GLIS3: variants seen among roughly 807,000 people sequenced by gnomAD.
GLIS3 encodes the protein zinc finger protein GLIS3.
GLIS3 carries 53 observed loss-of-function variants against 78.6 expected under a neutral mutation model. The observed-to-expected ratio is 0.67, with a 90% CI of 0.54 to 0.85. The LOEUF is 0.85. Ranked by LOEUF, GLIS3 falls within the 40% of genes least tolerant of loss-of-function variation. GLIS3 has a pLI of 0.00. For synonymous variants in GLIS3, 684 were observed against 509.9 expected (o/e 1.34, Z -4.60); for missense variants, 1,703 against 1,231.1 (o/e 1.38, Z -5.74).
At chr9:4,279,155 C>T (rs1264082501) in intron 2 of GLIS3, among the ~76,000 whole-genome samples, 1 of 151,380 alleles carries the variant, frequency 6.6e-6, no homozygotes, top group African/African-American at 2.4e-5. Context: ...CAAAAGTTTC[C>T]GGGCGTGGTG....
chr9:4,216,500 A>T (rs1047148550), intron 2 of GLIS3, among the ~76,000 whole-genome samples: 5 of 151,388 alleles, frequency 3.3e-5, no homozygotes, highest in African/African-American at 9.7e-5. Context: ...AAAGAAAAGA[A>T]AAGAAAAGAA....
chr9:3,894,875 G>C (rs1822713838), intron 7 of GLIS3, among the ~76,000 whole-genome samples: 1 of 152,144 alleles, frequency 6.6e-6, no homozygotes. Context: ...TTCCAGCTGT[G>C]TTAGCTCATC....
intron 4 of GLIS3, among the ~76,000 whole-genome samples, chr9:3,953,279 T>A (rs1200271191): frequency 6.6e-6 from 1 of 152,218 alleles, no homozygotes; most frequent in East Asian, 1.9e-4. Flanking sequence ...TCTTGTTTTG[T>A]TGGTTTTTTG....
chr9:4,236,315 G>C (rs1421374869), intron 2 of GLIS3, among the ~76,000 whole-genome samples: 1 of 151,970 alleles, frequency 6.6e-6, no homozygotes, highest in Non-Finnish European at 1.5e-5. Flanking sequence ...CATGTTTGTG[G>C]TTTACATCAG....
the GLIS3 span, among the ~76,000 whole-genome samples, chr9:4,399,407 G>C: frequency 1.3e-5 from 2 of 152,168 alleles, no homozygotes; most frequent in East Asian, 3.8e-4. Context: ...TCTTACAACA[G>C]CACTGAAAGT....
chr9:4,323,938 T>C (rs947663977), intron 2 of GLIS3, among the ~76,000 whole-genome samples: 1 of 152,256 alleles, frequency 6.6e-6, no homozygotes, highest in Non-Finnish European at 1.5e-5. Context: ...CATGACTTTG[T>C]TATATTTTTA....
At chr9:4,472,175 C>A in the GLIS3 span, among the ~76,000 whole-genome samples, 1 of 152,208 alleles carries the variant, frequency 6.6e-6, no homozygotes. Context: ...TAAACTAGTT[C>A]ATCCATTGTG....
intron 4 of GLIS3, among the ~76,000 whole-genome samples, chr9:4,090,167 G>A (rs1233118363): frequency 6.6e-6 from 1 of 152,058 alleles, no homozygotes; most frequent in Non-Finnish European, 1.5e-5. Context: ...TGTGACACAG[G>A]TGACTGGCAT....
intron 4 of GLIS3, among the ~76,000 whole-genome samples, chr9:3,991,753 G>GCT (rs1820289203): frequency 7.0e-6 from 1 of 142,810 alleles, no homozygotes; most frequent in African/African-American, 2.7e-5. Flanking sequence ...TGCAGTGGTG[G>GCT]GATCTCGGCT....
At chr9:3,903,392 G>T (rs1296606621) in intron 6 of GLIS3, among the ~76,000 whole-genome samples, 1 of 152,202 alleles carries the variant, frequency 6.6e-6, no homozygotes, top group Non-Finnish European at 1.5e-5. Flanking sequence ...TCTTTGCGGA[G>T]AAAAGTGGAA....
chr9:3,934,984 A>G (rs1825812381), intron 5 of GLIS3, among the ~76,000 whole-genome samples: 1 of 151,902 alleles, frequency 6.6e-6, no homozygotes, highest in Admixed American at 6.6e-5. Flanking sequence ...TTAAGATGCT[A>G]ATAGAGAGAT....
rs138253693 is a variant in GLIS3, at chr9:4,118,449, C to T, written c.1029G>A (p.Pro343=). The change falls in exon 4 of 11, where the codon CCG becomes CCA. Residue 343 remains proline (P), a synonymous_variant. Transcript: ENST00000381971. This position sits in a 1 kb window ranked among gnomAD's most constrained non-coding sequence, Gnocchi z 4.7. The part of the protein sequence containing the change: ...GSRASPANLS[P]QPEVYGHFLG... ...GGAAATGCCCGTAGACCTCCGGCTG[C>T]GGGGACAGGTTGGCCGGCGAAGCCC... is the stretch of plus-strand genomic sequence containing the variant. The T allele has an allele frequency of 8.7e-6, 14 of 1,612,910 alleles. No homozygotes were observed. In the African/African-American group the frequency reaches 1.7e-4, roughly 20 times the overall value.
chr9:4,097,670 A>AT (rs1215060113), intron 4 of GLIS3, among the ~76,000 whole-genome samples: 12 of 152,250 alleles, frequency 7.9e-5, no homozygotes, highest in Admixed American at 5.9e-4. Context: ...AACCATCGGT[A>AT]TGTGCAGTGC....
chr9:4,445,446 G>C, the GLIS3 span, among the ~76,000 whole-genome samples: 4 of 152,118 alleles, frequency 2.6e-5, no homozygotes, highest in South Asian at 4.1e-4. Flanking sequence ...GGGCAACATA[G>C]TGGGACCTAG....
chr9:3,850,515 C>A (rs1272717984), intron 9 of GLIS3, among the ~76,000 whole-genome samples: 1 of 152,236 alleles, frequency 6.6e-6, no homozygotes, highest in Non-Finnish European at 1.5e-5. Context: ...CCTGAGTGAA[C>A]TGAACTCTTT....
intron 1 of GLIS3, among the ~76,000 whole-genome samples, chr9:4,297,442 C>T (rs577201346): frequency 6.6e-6 from 1 of 152,316 alleles, no homozygotes; most frequent in South Asian, 2.1e-4. Context: ...TCGAGATTCC[C>T]GGCCCCATAC....
intron 2 of GLIS3, among the ~76,000 whole-genome samples, chr9:4,257,721 C>T (rs1309514615): frequency 5.3e-5 from 8 of 151,766 alleles, no homozygotes; most frequent in Non-Finnish European, 1.0e-4. Context: ...CTACAGGTGC[C>T]TGCCACCACG....
intron 4 of GLIS3, chr9:4,071,114 T>A (rs928473787): frequency 6.6e-6 from 1 of 152,210 alleles, no homozygotes; most frequent in Non-Finnish European, 1.5e-5. Context: ...ACTCAGGAAT[T>A]AGCAATTATC....
chr9:4,271,793 G>C (rs1587248785), intron 2 of GLIS3, among the ~76,000 whole-genome samples: 5 of 152,278 alleles, frequency 3.3e-5, no homozygotes, highest in Middle Eastern at 6.8e-3. Flanking sequence ...AATGCTACCA[G>C]AAACTAGGCT....
Sources: allele counts gnomAD v4.1 joint callset (sites outside exome capture counted in the v4.1 genomes callset), GRCh38; gene constraint gnomAD v4.1.1; non-coding constraint Gnocchi (gnomAD v3.1); transcripts MANE v1.5; gene names NCBI Gene and HGNC (gene_info 2026-07-23, HGNC 2026-07-21).